BAZ1A: variants seen among roughly 807,000 people sequenced by gnomAD.
The protein encoded by BAZ1A is bromodomain adjacent to zinc finger domain protein 1A.
Under a neutral mutation model 185.2 loss-of-function variants are expected in BAZ1A, and 50 were observed. The observed-to-expected ratio is 0.27, with a 90% confidence interval of 0.22 to 0.34. The LOEUF (loss-of-function observed/expected upper bound fraction) is 0.34. Among genes scored for constraint, BAZ1A ranks in the 10% least tolerant of loss-of-function variants. The pLI is 1.00. For synonymous variants in BAZ1A, 571 were observed against 615.6 expected (o/e 0.93, Z 1.07); for missense variants, 1,356 against 1,839.9 (o/e 0.74, Z 4.81).
In BAZ1A at chr14:34,764,698, A is replaced by G; in HGVS notation, c.3776+9T>C. ...TTACTGACTCATTTTATTGCATGTTAGGACTTACCTGACTTCTTCCTCTTC... is the reference window on the plus strand; with the variant it reads ...TTACTGACTCATTTTATTGCATGTTGGGACTTACCTGACTTCTTCCTCTTC... On this transcript the variant is annotated intron_variant, in intron 23 of 26. Coordinates refer to ENST00000360310, the MANE Select transcript of BAZ1A (RefSeq NM_013448.3). 6.3e-7 allele frequency: 1 copy of G among 1,591,212 alleles called. No individual in the cohort carries two copies. Among genetic ancestry groups the G allele is most frequent in the South Asian group, 1.1e-5 (1 of 88,940 alleles).
intron 2 of BAZ1A, among the ~76,000 whole-genome samples, chr14:34,871,855 G>A (rs2042953819): frequency 6.6e-6 from 1 of 152,104 alleles, no homozygotes; most frequent in Non-Finnish European, 1.5e-5. Flanking sequence ...TGGGCGACAG[G>A]GTGAGACTCC....
chr14:34,863,159 T>TAC (rs2042799685), intron 2 of BAZ1A, among the ~76,000 whole-genome samples: 5 of 121,428 alleles, frequency 4.1e-5, no homozygotes, highest in African/African-American at 1.6e-4. Flanking sequence ...CGGCTTTTTT[T>TAC]TTTTTTTTTT....
intron 20 of BAZ1A, among the ~76,000 whole-genome samples, chr14:34,772,768 G>C (rs1879309497): frequency 6.6e-6 from 1 of 151,900 alleles, no homozygotes; most frequent in Non-Finnish European, 1.5e-5. Context: ...TGGTGGCTCA[G>C]GCCTGTAATC....
chr14:34,817,378 A>T (rs181860998), intron 4 of BAZ1A, among the ~76,000 whole-genome samples: 33 of 152,324 alleles, frequency 2.2e-4, no homozygotes, highest in African/African-American at 7.9e-4. Flanking sequence ...ACTTGAGGCC[A>T]AGAGTTTGAG....
At position 34,753,256 on chromosome 14, in the gene BAZ1A, A is replaced by AT; in HGVS notation, c.*251_*252insA. On this transcript the variant is annotated 3_prime_UTR_variant, in exon 27 of 27. Transcript: ENST00000360310. Reference sequence around the variant, plus strand: ...CTCTGGACACATGAATGATCTCAAAAATGTACAAAAACCTCTGTAAACCAG... The same window carrying AT: ...CTCTGGACACATGAATGATCTCAAAATATGTACAAAAACCTCTGTAAACCAG... The AT allele has an allele frequency of 2.5e-6, 1 of 402,636 alleles. No individual in the cohort carries two copies. 24.9% of individuals were successfully genotyped at this position (402,636 alleles called of 1,614,324 possible). A position where few individuals can be genotyped will look rare whatever the true frequency, so the allele number is the denominator to read the frequency against.
At chr14:34,827,101 C>T (rs755481199) in intron 3 of BAZ1A, among the ~76,000 whole-genome samples, 1 of 152,024 alleles carries the variant, frequency 6.6e-6, no homozygotes, top group Non-Finnish European at 1.5e-5. Flanking sequence ...CTCTCTCTCT[C>T]GATAAATATC....
chr14:34,844,111 C>T (rs1485251116), intron 3 of BAZ1A, among the ~76,000 whole-genome samples: 2 of 147,648 alleles, frequency 1.4e-5, no homozygotes, highest in Non-Finnish European at 3.0e-5. Context: ...GAGGCTGAGG[C>T]AGGAGAATGG....
chr14:34,759,184 T>TTTTG (rs1555336962), intron 24 of BAZ1A, among the ~76,000 whole-genome samples: 3 of 108,028 alleles, frequency 2.8e-5, no homozygotes, highest in African/African-American at 1.2e-4. Context: ...TTTTTTTTTT[T>TTTTG]TTTTTTTTTT....
Position 34,807,571 on chromosome 14 carries a change from T to C in BAZ1A, c.639-33A>G, listed in dbSNP as rs146897344. ...AGGCAAGGAAGTCAAAGAGGGGTAG[T>C]GTTAGCATCAAAGAGTTCAACCCCA... is the stretch of plus-strand genomic sequence containing the variant. On this transcript the variant is annotated intron_variant, in intron 5 of 26. Transcript: ENST00000360310. The C allele has an allele frequency of 4.3e-4, 657 of 1,524,374 alleles. 4 individuals carry two copies. In the African/African-American group the frequency reaches 8.4e-3, roughly 19 times the overall value. 94.4% of individuals were successfully genotyped at this position (1,524,374 alleles called of 1,614,324 possible).
intron 15 of BAZ1A, 149 bp downstream of exon 15, chr14:34,783,613 C>T: frequency 9.6e-7 from 1 of 1,037,588 alleles, no homozygotes; most frequent in Non-Finnish European, 1.4e-6. Context: ...AGGCGTGAGC[C>T]ACCACACCTG....
chr14:34,793,024 TTTC>T (rs2138635079), intron 11 of BAZ1A, 103 bp from the exon 12 acceptor site: 1 of 1,030,698 alleles, frequency 9.7e-7, no homozygotes, highest in African/African-American at 1.6e-5. Flanking sequence ...GTGCAACTAT[TTTC>T]TTAAGCATCA....
Position 34,762,153 on chromosome 14 carries a change from A to G in BAZ1A, c.3847T>C (p.Ser1283Pro), listed in dbSNP as rs764084799. ...GGTTCTTGTTGTTGGCCACGACTTG[A>G]GAAAGAAGAGCTAAGTTTCCCTCTT... ...KTRGKLSSSFSSRGQQQEPGR... is the reference protein window; with the variant it reads ...KTRGKLSSSFPSRGQQQEPGR... Residue 1283 changes from serine (S) to proline (P), a missense_variant, in exon 24 of 27, where the codon TCA becomes CCA. Transcript: ENST00000360310. 1.2e-6 allele frequency: 2 copies of G among 1,614,202 alleles called. No homozygotes were observed. The highest frequency in any genetic ancestry group is 1.7e-6 in the Non-Finnish European group (2 of 1,180,038).
At chr14:34,872,425 C>T (rs571726875) in intron 2 of BAZ1A, among the ~76,000 whole-genome samples, 2 of 152,070 alleles carry the variant, frequency 1.3e-5, no homozygotes, top group South Asian at 2.1e-4. Flanking sequence ...GACGAAACCC[C>T]GTCTATGAAA....
At chr14:34,861,918 G>T in intron 3 of BAZ1A, 126 bp downstream of exon 3, 1 of 1,097,842 alleles carries the variant, frequency 9.1e-7, no homozygotes, top group Non-Finnish European at 1.3e-6. Flanking sequence ...GGGGCTATCT[G>T]TGGGTTAACA....
chr14:34,779,112 A>T (rs1566556721), intron 17 of BAZ1A, among the ~76,000 whole-genome samples: 2 of 152,206 alleles, frequency 1.3e-5, no homozygotes, highest in East Asian at 1.9e-4. Flanking sequence ...GGCCTCTCAG[A>T]GTGCTGGGAT....
At position 34,793,815 on chromosome 14, in the gene BAZ1A, T is replaced by C. The variant is rs186949451; in HGVS notation, c.1364-894A>G. On this transcript the variant is annotated intron_variant, in intron 11 of 26. Transcript: ENST00000360310. ...AAAATTAGCTGGGCTTGGTGATGGG[T>C]GCCTGTAATTGCAGCTACTTGGGAG... Among the ~76,000 whole-genome samples the C allele has an allele frequency of 3.9e-5, 6 of 152,240 alleles. No individual in the cohort carries two copies. In the East Asian group the frequency reaches 1.2e-3, roughly 29 times the overall value.
At chr14:34,872,138 C>A (rs2138847275) in intron 2 of BAZ1A, among the ~76,000 whole-genome samples, 1 of 152,290 alleles carries the variant, frequency 6.6e-6, no homozygotes, top group South Asian at 2.1e-4. Flanking sequence ...GGTAAATGGT[C>A]AAATACCTTT....
Position 34,761,973 on chromosome 14 carries a change from G to A in BAZ1A, c.4027C>T (p.Leu1343=), listed in dbSNP as rs757340724. Residue 1343 remains leucine, a synonymous_variant, in exon 24 of 27, where the codon CTG becomes TTG. Transcript: ENST00000360310. The stretch of plus-strand genomic sequence containing the variant: ...AATTCCACAAATACATCTGCTTGCA[G>A]TGGGCCATGACTGTGGCGAGTAGAA... ...SRSTRHSHGP[L]QADVFVELLS... The A allele has an allele frequency of 7.4e-6, 12 of 1,614,186 alleles. 1 individual carries two copies. Among genetic ancestry groups the A allele is most frequent in the Middle Eastern group, 1.6e-4 (1 of 6,062 alleles).
At chr14:34,805,834 T>TAC (rs1316418393) in intron 6 of BAZ1A, among the ~76,000 whole-genome samples, 2 of 152,142 alleles carry the variant, frequency 1.3e-5, no homozygotes, top group Non-Finnish European at 2.9e-5. Flanking sequence ...TCATTGTATT[T>TAC]ACTCAAGGTA....
Sources: allele counts gnomAD v4.1 joint callset (sites outside exome capture counted in the v4.1 genomes callset), GRCh38; gene constraint gnomAD v4.1.1; transcripts MANE v1.5; gene names NCBI Gene and HGNC (gene_info 2026-07-23, HGNC 2026-07-21).